The following UBE3D variants were observed in gnomAD, a reference collection of about 807,000 sequenced individuals.
UBE3D encodes ubiquitin protein ligase E3D, also known as E3 ubiquitin-protein ligase E3D.
Under a neutral mutation model 49.6 loss-of-function variants are expected in UBE3D, and 48 were observed. The ratio of observed to expected loss-of-function variants is 0.97; its 90% CI spans 0.77 to 1.23. The LOEUF is 1.23. Ranked by LOEUF, UBE3D falls within the 50% of genes most tolerant of loss-of-function variation. UBE3D has a pLI of 0.00. For synonymous variants in UBE3D, 189 were observed against 174.2 expected (o/e 1.08, Z -0.67); for missense variants, 452 against 468.4 (o/e 0.96, Z 0.32).
intron 8 of UBE3D, among the ~76,000 whole-genome samples, chr6:82,989,356 T>C (rs1778731421): frequency 6.6e-6 from 1 of 151,968 alleles, no homozygotes; most frequent in African/African-American, 2.4e-5. Flanking sequence ...GTTACTTACC[T>C]GGGGACAGTT....
intron 9 of UBE3D, among the ~76,000 whole-genome samples, chr6:82,954,534 A>C (rs538551054): frequency 1.3e-5 from 2 of 152,342 alleles, no homozygotes; most frequent in East Asian, 3.9e-4. Flanking sequence ...ACAGCTTTAC[A>C]GAAAAAGAAG....
intron 8 of UBE3D, among the ~76,000 whole-genome samples, chr6:83,006,510 A>C (rs1008593148): frequency 1.6e-4 from 24 of 152,204 alleles, no homozygotes; most frequent in African/African-American, 5.5e-4. Flanking sequence ...CATGTGCAGG[A>C]GGAAAGGCCA....
chr6:82,988,889 A>C (rs190179134), intron 8 of UBE3D, among the ~76,000 whole-genome samples: 179 of 152,210 alleles, frequency 1.2e-3, no homozygotes, highest in Admixed American at 1.6e-3. Flanking sequence ...AATCAGACTT[A>C]AAGTCTCAGA....
chr6:82,891,766 C>T (rs1280732486), downstream of UBE3D, among the ~76,000 whole-genome samples: 1 of 152,188 alleles, frequency 6.6e-6, no homozygotes, highest in African/African-American at 2.4e-5. Context: ...TGACTCACAC[C>T]TGTAATCCCA....
intron 9 of UBE3D, among the ~76,000 whole-genome samples, chr6:82,922,530 T>C (rs147678240): frequency 1.3e-5 from 2 of 152,320 alleles, no homozygotes; most frequent in Admixed American, 6.5e-5. Flanking sequence ...GCTTGCCATA[T>C]GCAGAAAACT....
chr6:82,914,541 C>T lies in UBE3D; in HGVS notation c.1150-21499G>A, dbSNP rs143724929. ...AAAAGTGGACTCTACTGTGGCACCT[C>T]GGCGTCAAGCAGGGCAGCTTTACTT... is the stretch of plus-strand genomic sequence containing the variant. On this transcript the variant is annotated intron_variant, in intron 9 of 9. Transcript: ENST00000369747. Among the ~76,000 whole-genome samples, 936 of 152,186 alleles carry T rather than the reference C, an allele frequency of 6.2e-3. 12 individuals are homozygous for T. The highest frequency in any genetic ancestry group is 0.021 in the African/African-American group (878 of 41,510).
chr6:82,918,141 T>G (rs1380100429), intron 9 of UBE3D, among the ~76,000 whole-genome samples: 1 of 152,140 alleles, frequency 6.6e-6, no homozygotes, highest in Admixed American at 6.5e-5. Flanking sequence ...TTGAAATGGA[T>G]GCAGGGAGAA....
At chr6:82,912,503 T>G (rs2127727424) in intron 9 of UBE3D, among the ~76,000 whole-genome samples, 1 of 152,206 alleles carries the variant, frequency 6.6e-6, no homozygotes, top group African/African-American at 2.4e-5. Context: ...CAATGTAAAA[T>G]TAGTCTTTTT....
chr6:82,946,112 G>A (rs1387351107), intron 9 of UBE3D, among the ~76,000 whole-genome samples: 1 of 152,062 alleles, frequency 6.6e-6, no homozygotes, highest in East Asian at 1.9e-4. Context: ...TAATAACAGA[G>A]AACTTCCCAA....
chr6:82,902,753 C>CTCAGTA (rs1771830269), intron 9 of UBE3D, among the ~76,000 whole-genome samples: 2 of 152,098 alleles, frequency 1.3e-5, no homozygotes, highest in African/African-American at 2.4e-5. Flanking sequence ...ACTCAGTACA[C>CTCAGTA]CTATCAACAG....
At chr6:82,944,845 G>A (rs1374091936) in intron 9 of UBE3D, among the ~76,000 whole-genome samples, 1 of 152,160 alleles carries the variant, frequency 6.6e-6, no homozygotes, top group Non-Finnish European at 1.5e-5. Flanking sequence ...ATGGGTTTTT[G>A]GTGGTTGTGG....
chr6:82,968,514 T>A lies in UBE3D; in HGVS notation c.1011-11064A>T, dbSNP rs531263012. On this transcript the variant is annotated intron_variant, in intron 8 of 9. Coordinates refer to ENST00000369747, the MANE Select transcript of UBE3D (RefSeq NM_198920.3). ...TGCTATGAACAATATTACAATAATG[T>A]CCTTGCTTACATTTCTTTACATTCT... 4.6e-5 allele frequency among the ~76,000 whole-genome samples: 7 copies of A among 152,364 alleles called. No homozygotes were observed. The East Asian group carries it at 5.8e-4, about 13-fold the overall frequency.
chr6:83,042,038 T>C (rs1782709790), intron 4 of UBE3D, among the ~76,000 whole-genome samples: 1 of 152,036 alleles, frequency 6.6e-6, no homozygotes, highest in Non-Finnish European at 1.5e-5. Context: ...GCCTCCTGAG[T>C]AGCTGGGACT....
chr6:82,999,273 G>A (rs964592640), intron 8 of UBE3D, among the ~76,000 whole-genome samples: 6 of 152,102 alleles, frequency 3.9e-5, no homozygotes, highest in Non-Finnish European at 5.9e-5. Context: ...GAGGCTGGTC[G>A]GTCCACCAGA....
intron 9 of UBE3D, among the ~76,000 whole-genome samples, chr6:82,950,313 G>A (rs1247527750): frequency 6.6e-6 from 1 of 152,118 alleles, no homozygotes; most frequent in South Asian, 2.1e-4. Context: ...ACTATAACAG[G>A]ATATCATCTC....
chr6:83,061,863 C>T (rs948841097), intron 1 of UBE3D, among the ~76,000 whole-genome samples: 5 of 152,102 alleles, frequency 3.3e-5, no homozygotes, highest in African/African-American at 1.2e-4. Flanking sequence ...ACTATGTGTT[C>T]CCCCAACTCA....
intron 9 of UBE3D, among the ~76,000 whole-genome samples, chr6:82,929,583 G>T (rs1381408495): frequency 6.6e-6 from 1 of 151,626 alleles, no homozygotes; most frequent in African/African-American, 2.4e-5. Flanking sequence ...GTTCTGGTTG[G>T]GGGGGTGGGG....
chr6:83,052,654 T>C (rs184193367), intron 3 of UBE3D, among the ~76,000 whole-genome samples: 1 of 151,996 alleles, frequency 6.6e-6, no homozygotes, highest in Non-Finnish European at 1.5e-5. Context: ...CATGTTTTTT[T>C]GGGGGAGGAG....
At chr6:83,051,636 A>G (rs1783476172) in intron 3 of UBE3D, among the ~76,000 whole-genome samples, 1 of 152,194 alleles carries the variant, frequency 6.6e-6, no homozygotes, top group African/African-American at 2.4e-5. Context: ...AGATTGAGAG[A>G]AGGAAAACAC....
Sources: allele counts gnomAD v4.1 joint callset (sites outside exome capture counted in the v4.1 genomes callset), GRCh38; gene constraint gnomAD v4.1.1; transcripts MANE v1.5; gene names NCBI Gene and HGNC (gene_info 2026-07-23, HGNC 2026-07-21).